BICRAL: variants seen among roughly 807,000 people sequenced by gnomAD.
BICRAL encodes BICRA like chromatin remodeling complex associated protein.
In BICRAL, 8 loss-of-function variants were observed where a neutral mutation model predicts 91.8. The ratio of observed to expected loss-of-function variants is 0.09; its 90% CI spans 0.05 to 0.16. The LOEUF (loss-of-function observed/expected upper bound fraction) is 0.16, where lower values mean the gene tolerates loss of function less well. BICRAL is among the 10% of genes least tolerant of loss of function. The pLI is 1.00. For missense variants in BICRAL, 1,038 were observed against 1,310.9 expected, an observed-to-expected ratio of 0.79 and a Z score of 3.21; for synonymous variants, 445 against 491.1, an observed-to-expected ratio of 0.91 and a Z score of 1.24.
chr6:42,810,506 G>A (rs1180557031), intron 2 of BICRAL, 105 bp downstream of exon 2: 2 of 152,136 alleles, frequency 1.3e-5, no homozygotes, highest in Non-Finnish European at 2.9e-5. Context: ...TAACAGCACA[G>A]AACAATTACA....
intron 1 of BICRAL, among the ~76,000 whole-genome samples, chr6:42,785,021 T>G (rs1763061044): frequency 6.6e-6 from 1 of 152,214 alleles, no homozygotes; most frequent in African/African-American, 2.4e-5. Context: ...TTGAGGTCCA[T>G]GTAATTTTGA....
At chr6:42,794,794 CAAAAAAAA>C (rs1207429482) in intron 1 of BICRAL, among the ~76,000 whole-genome samples, 1 of 95,250 alleles carries the variant, frequency 1.0e-5, no homozygotes, top group Non-Finnish European at 2.1e-5. Context: ...ACTAAAAATA[CAAAAAAAA>C]AAAAAAAAAA....
At chr6:42,770,004 G>A (rs1762694828) in intron 1 of BICRAL, among the ~76,000 whole-genome samples, 1 of 152,128 alleles carries the variant, frequency 6.6e-6, no homozygotes, top group Non-Finnish European at 1.5e-5. Flanking sequence ...CTGCAGTGTG[G>A]AAAGCAGCGG....
chr6:42,763,555 T>G (rs1344661233), intron 1 of BICRAL, among the ~76,000 whole-genome samples: 2 of 152,200 alleles, frequency 1.3e-5, no homozygotes, highest in African/African-American at 4.8e-5. Flanking sequence ...GTGCGGTGGC[T>G]CACACCTGTA....
At chr6:42,803,777 A>G (rs1399099844) in intron 1 of BICRAL, among the ~76,000 whole-genome samples, 2 of 152,210 alleles carry the variant, frequency 1.3e-5, no homozygotes, top group African/African-American at 4.8e-5. Context: ...ATGCGTCGCT[A>G]GACAATTTCA....
At chr6:42,773,512 C>T (rs1357970820) in intron 1 of BICRAL, among the ~76,000 whole-genome samples, 4 of 151,912 alleles carry the variant, frequency 2.6e-5, no homozygotes, top group Non-Finnish European at 5.9e-5. Context: ...GCCACCTTGG[C>T]CAGCCTTTTT....
chr6:42,747,392 T>G (rs1288733624), intron 1 of BICRAL, among the ~76,000 whole-genome samples: 3 of 152,190 alleles, frequency 2.0e-5, no homozygotes, highest in African/African-American at 7.2e-5. Flanking sequence ...ATTGGGGTAT[T>G]TAACGACCCA....
At position 42,860,292 on chromosome 6, in the gene BICRAL, A is replaced by C; in HGVS notation, c.2285A>C (p.Gln762Pro). The C allele has an allele frequency of 2.5e-6, 4 of 1,609,314 alleles. No homozygotes were observed. The highest frequency in any genetic ancestry group is 3.4e-6 in the Non-Finnish European group (4 of 1,175,820). The change falls in exon 11 of 13, where the codon CAG (glutamine) becomes CCG (proline). Residue 762 changes from glutamine to proline, a missense_variant. Physicochemically the swap from Gln to Pro is moderately conservative, Grantham distance 76. Transcript: ENST00000314073. The part of the protein sequence containing the change: ...VDNEFETVAT[Q>P]LLKRTQAMLN... ...AATGAATTTGAGACAGTTGCCACTC[A>C]GCTCCTAAAAAGGACCCAAGCTATG...
chr6:42,748,084 A>G (rs1426928092), intron 1 of BICRAL, among the ~76,000 whole-genome samples: 2 of 147,650 alleles, frequency 1.4e-5, no homozygotes, highest in African/African-American at 5.0e-5. Flanking sequence ...GATTACAGGC[A>G]TGAGCCACTG....
intron 6 of BICRAL, among the ~76,000 whole-genome samples, chr6:42,840,315 C>T (rs1277293215): frequency 4.2e-5 from 6 of 142,416 alleles, no homozygotes; most frequent in Non-Finnish European, 7.7e-5. Flanking sequence ...CAATCTTGGC[C>T]CACTGCAACC....
At position 42,795,679 on chromosome 6, in the gene BICRAL, T is replaced by C. The variant is rs918903868; in HGVS notation, c.-102+13578T>C. Reference sequence around the variant, plus strand: ...AGCATGATGTGGATTTTGTATAATGTATATGCACCTTTAAAATATGTTCCA... The same window carrying C: ...AGCATGATGTGGATTTTGTATAATGCATATGCACCTTTAAAATATGTTCCA... On this transcript the variant is annotated intron_variant, in intron 1 of 12. Transcript: ENST00000314073. 4.6e-5 allele frequency among the ~76,000 whole-genome samples: 7 copies of C among 152,236 alleles called. No homozygotes were observed. The South Asian group carries it at 6.2e-4, about 13-fold the overall frequency.
At chr6:42,758,703 C>T (rs1215143773) in intron 1 of BICRAL, among the ~76,000 whole-genome samples, 2 of 125,272 alleles carry the variant, frequency 1.6e-5, no homozygotes, top group African/African-American at 5.9e-5. Flanking sequence ...ATGATGGAGT[C>T]GGGGGGTCCA....
At chr6:42,836,947 T>C (rs1487689600) in intron 6 of BICRAL, among the ~76,000 whole-genome samples, 1 of 147,154 alleles carries the variant, frequency 6.8e-6, no homozygotes, top group African/African-American at 2.5e-5. Flanking sequence ...GTAATATTTC[T>C]TTTCTTTTTT....
chr6:42,805,142 G>C (rs1442351929), intron 1 of BICRAL, among the ~76,000 whole-genome samples: 4 of 152,276 alleles, frequency 2.6e-5, no homozygotes, highest in Non-Finnish European at 4.4e-5. Flanking sequence ...GAGGTTGTCA[G>C]AGAAGGATTC....
chr6:42,764,458 T>G (rs1762604392), intron 1 of BICRAL, among the ~76,000 whole-genome samples: 1 of 151,340 alleles, frequency 6.6e-6, no homozygotes, highest in African/African-American at 2.4e-5. Context: ...AGGCTGAGGT[T>G]GGAGGATCAC....
intron 2 of BICRAL, among the ~76,000 whole-genome samples, chr6:42,813,760 A>ATC (rs1357673525): frequency 5.3e-5 from 8 of 152,212 alleles, no homozygotes; most frequent in African/African-American, 1.9e-4. Flanking sequence ...GATTCAAGCA[A>ATC]TCCACCCACT....
In BICRAL at chr6:42,865,475, C is replaced by T. The variant is rs754626108; in HGVS notation, c.*29C>T. 1.9e-5 allele frequency: 24 copies of T among 1,290,984 alleles called. No individual in the cohort carries two copies. The African/African-American group carries it at 2.4e-4, about 13-fold the overall frequency. 80.0% of individuals were successfully genotyped at this position (1,290,984 alleles called of 1,614,324 possible). ...CAGCAGTCCTCCCCCTACCCCGCCC[C>T]GAGACCCCACCCCGAGACCCCACCC... is the stretch of plus-strand genomic sequence containing the variant. On this transcript the variant is annotated 3_prime_UTR_variant, in exon 13 of 13. Transcript: ENST00000314073.
chr6:42,823,837 T>C (rs1047856007), intron 5 of BICRAL, among the ~76,000 whole-genome samples: 16 of 150,466 alleles, frequency 1.1e-4, no homozygotes, highest in African/African-American at 1.7e-4. Flanking sequence ...TGGCAGAGAA[T>C]TGCATAAACC....
chr6:42,781,052 A>G (rs1762893562), upstream of BICRAL, among the ~76,000 whole-genome samples: 1 of 152,056 alleles, frequency 6.6e-6, no homozygotes, highest in East Asian at 1.9e-4. Context: ...CACATAATCT[A>G]AATACTTTGG....
Sources: allele counts gnomAD v4.1 joint callset (sites outside exome capture counted in the v4.1 genomes callset), GRCh38; gene constraint gnomAD v4.1.1; transcripts MANE v1.5; gene names NCBI Gene and HGNC (gene_info 2026-07-23, HGNC 2026-07-21).